Variants in SOX5 observed in about 807,000 individuals in gnomAD.
SOX5 encodes the protein transcription factor SOX-5.
In SOX5, 9 loss-of-function variants were observed where a neutral mutation model predicts 92.0. The observed-to-expected ratio is 0.10, with a 90% CI of 0.06 to 0.17. The LOEUF is 0.17. SOX5 is among the 10% of genes least tolerant of loss of function. SOX5 has a pLI of 1.00. For synonymous variants in SOX5, 344 were observed against 336.3 expected (o/e 1.02, Z -0.25); for missense variants, 642 against 944.5 (o/e 0.68, Z 4.20).
intron 1 of SOX5, among the ~76,000 whole-genome samples, chr12:23,919,827 C>A (rs1022301362): frequency 5.9e-4 from 90 of 152,180 alleles, no homozygotes; most frequent in African/African-American, 2.1e-3. Flanking sequence ...CAGAAACTAT[C>A]TTTTACAAAA....
intron 7 of SOX5, among the ~76,000 whole-genome samples, chr12:23,656,718 A>G (rs1462614792): frequency 6.6e-6 from 1 of 151,978 alleles, no homozygotes; most frequent in Non-Finnish European, 1.5e-5. Context: ...GCATATTACA[A>G]TACACAGGCT....
chr12:23,717,232 T>G (rs1485381019), intron 6 of SOX5, among the ~76,000 whole-genome samples: 1 of 152,208 alleles, frequency 6.6e-6, no homozygotes, highest in Non-Finnish European at 1.5e-5. Context: ...TGATATCAAC[T>G]TGGGGGTCCT....
At chr12:23,740,236 G>T in intron 5 of SOX5, among the ~76,000 whole-genome samples, 1 of 152,044 alleles carries the variant, frequency 6.6e-6, no homozygotes, top group East Asian at 1.9e-4. Context: ...TTCCAAACTT[G>T]CTCTTCTGAC....
chr12:24,363,198 C>CT (rs1955791978), intron 2 of SOX5, among the ~76,000 whole-genome samples: 1 of 151,952 alleles, frequency 6.6e-6, no homozygotes, highest in South Asian at 2.1e-4. Flanking sequence ...GTTTGCGCTG[C>CT]TTTTTCCCCT....
At chr12:24,320,864 CA>C (rs71063308) in intron 2 of SOX5, among the ~76,000 whole-genome samples, 80 of 135,686 alleles carry the variant, frequency 5.9e-4, no homozygotes, top group African/African-American at 2.0e-3. Context: ...GACTCTGTCT[CA>C]AAAAAAAATA....
At chr12:24,471,696 G>A (rs1045268187) in intron 1 of SOX5, among the ~76,000 whole-genome samples, 1 of 152,074 alleles carries the variant, frequency 6.6e-6, no homozygotes, top group African/African-American at 2.4e-5. Flanking sequence ...TGTTAGGTGT[G>A]TTACTAATGG....
intron 4 of SOX5, among the ~76,000 whole-genome samples, chr12:24,086,052 A>G (rs1943956365): frequency 6.6e-6 from 1 of 152,000 alleles, no homozygotes; most frequent in Admixed American, 6.6e-5. Context: ...CTTTTGCCAA[A>G]TCAGAAGTTT....
intron 4 of SOX5, among the ~76,000 whole-genome samples, chr12:24,126,044 T>G (rs1300794158): frequency 1.3e-5 from 2 of 152,102 alleles, no homozygotes; most frequent in Non-Finnish European, 2.9e-5. Context: ...ATTTACAGGT[T>G]CTCTTCCAGT....
chr12:24,524,340 C>CATCTATCTATCT (rs146131503), intron 1 of SOX5, among the ~76,000 whole-genome samples: 4,800 of 145,218 alleles, frequency 0.033, 128 homozygotes, highest in East Asian at 0.12. Context: ...AATCCCCTCC[C>CATCTATCTATCT]ATCTATCTAT....
chr12:23,721,759 A>C (rs1188553173), intron 6 of SOX5, among the ~76,000 whole-genome samples: 1 of 152,228 alleles, frequency 6.6e-6, no homozygotes, highest in Non-Finnish European at 1.5e-5. Flanking sequence ...CCCACAAAGC[A>C]TGGAGTTGGC....
intron 1 of SOX5, among the ~76,000 whole-genome samples, chr12:24,511,959 A>AG (rs1027783014): frequency 2.7e-5 from 4 of 150,078 alleles, no homozygotes; most frequent in African/African-American, 9.7e-5. Flanking sequence ...CTCCATCTCA[A>AG]AAAAAAAAAA....
At chr12:23,564,330 G>T (rs1946713269) in intron 10 of SOX5, among the ~76,000 whole-genome samples, 1 of 152,158 alleles carries the variant, frequency 6.6e-6, no homozygotes, top group African/African-American at 2.4e-5. Flanking sequence ...AGATTGTTTT[G>T]CAAATATTTA....
At chr12:23,983,262 C>T (rs943984463) in intron 4 of SOX5, among the ~76,000 whole-genome samples, 15 of 152,126 alleles carry the variant, frequency 9.9e-5, no homozygotes, top group Non-Finnish European at 2.1e-4. Context: ...AGTTTGTAAG[C>T]ATCACCTGCT....
intron 4 of SOX5, among the ~76,000 whole-genome samples, chr12:24,161,242 T>C (rs1952724920): frequency 6.6e-6 from 1 of 152,126 alleles, no homozygotes; most frequent in Non-Finnish European, 1.5e-5. Context: ...AACAAGTTAC[T>C]TCTTACTGAA....
intron 2 of SOX5, among the ~76,000 whole-genome samples, chr12:24,341,600 C>T (rs917101164): frequency 6.6e-6 from 1 of 152,240 alleles, no homozygotes; most frequent in Admixed American, 6.5e-5. Flanking sequence ...TACTGACCTG[C>T]ACCATGCACT....
chr12:23,639,592 C>T (rs1179901637), intron 8 of SOX5, among the ~76,000 whole-genome samples: 2 of 152,160 alleles, frequency 1.3e-5, no homozygotes, highest in Non-Finnish European at 2.9e-5. Flanking sequence ...TGTTATGTTA[C>T]TTTTATTGTC....
chr12:24,152,641 A>C (rs1223270303), intron 4 of SOX5, among the ~76,000 whole-genome samples: 1 of 152,202 alleles, frequency 6.6e-6, no homozygotes, highest in Non-Finnish European at 1.5e-5. Context: ...CAACATGAAC[A>C]CATTCGATTT....
chr12:23,587,860 T>C (rs1950965087), intron 9 of SOX5, among the ~76,000 whole-genome samples: 1 of 152,094 alleles, frequency 6.6e-6, no homozygotes, highest in African/African-American at 2.4e-5. Flanking sequence ...AAAAGACCTT[T>C]AGCCCACTTA....
chr12:23,781,568 T>A (rs1425428043), intron 3 of SOX5, among the ~76,000 whole-genome samples: 1 of 151,998 alleles, frequency 6.6e-6, no homozygotes, highest in African/African-American at 2.4e-5. Flanking sequence ...AGAAAGGAAA[T>A]GGTTTCAGGT....
Sources: allele counts gnomAD v4.1 joint callset (sites outside exome capture counted in the v4.1 genomes callset), GRCh38; gene constraint gnomAD v4.1.1; transcripts MANE v1.5; gene names NCBI Gene and HGNC (gene_info 2026-07-23, HGNC 2026-07-21).